The following PIK3R3 variants were observed in gnomAD, a reference collection of about 807,000 sequenced individuals.
PIK3R3 encodes phosphatidylinositol 3-kinase regulatory subunit gamma.
Under a neutral mutation model 62.9 loss-of-function variants are expected in PIK3R3, and 64 were observed. The observed-to-expected ratio is 1.02, with a 90% CI of 0.83 to 1.25. The LOEUF is 1.25. Among genes scored for constraint, PIK3R3 ranks in the 50% most tolerant of loss-of-function variants. PIK3R3 has a pLI of 0.00. For missense variants in PIK3R3, 614 were observed against 561.6 expected (o/e 1.09, Z -0.94); for synonymous variants, 165 against 189.0 (o/e 0.87, Z 1.04).
the PIK3R3 span, among the ~76,000 whole-genome samples, chr1:46,158,289 G>C: frequency 5.9e-5 from 9 of 152,308 alleles, no homozygotes; most frequent in Admixed American, 2.6e-4. Flanking sequence ...ACTCACTTTA[G>C]AGTCTGCTCT....
intron 6 of PIK3R3, among the ~76,000 whole-genome samples, chr1:46,059,828 G>T (rs946332459): frequency 1.3e-5 from 2 of 151,666 alleles, no homozygotes; most frequent in African/African-American, 4.8e-5. Flanking sequence ...GGCTGGGCGC[G>T]GTGGCTCATG....
chr1:46,166,170 A>G, the PIK3R3 span, among the ~76,000 whole-genome samples: 2 of 151,914 alleles, frequency 1.3e-5, no homozygotes, highest in African/African-American at 2.4e-5. Flanking sequence ...TAGGCACTCA[A>G]TAATACCATC....
upstream of PIK3R3, among the ~76,000 whole-genome samples, chr1:46,134,199 C>A (rs1408389713): frequency 1.3e-5 from 2 of 152,168 alleles, no homozygotes; most frequent in African/African-American, 2.4e-5. Context: ...CTGATTTAAG[C>A]CCTAGCAAAA....
At chr1:46,171,552 C>T in the PIK3R3 span, among the ~76,000 whole-genome samples, 2 of 152,070 alleles carry the variant, frequency 1.3e-5, no homozygotes, top group Non-Finnish European at 2.9e-5. Flanking sequence ...GGTGGGGTGA[C>T]CGGTATTGCA....
Position 46,040,847 on chromosome 1 carries a change from G to C in PIK3R3, c.*2826C>G, listed in dbSNP as rs1392188630. ...GTTGGGAGGGCCTCATTCTTGGCCA[G>C]ATCAGTGGTAAGGACGCAGGCAGTC... is the stretch of plus-strand genomic sequence containing the variant. On this transcript the variant is annotated 3_prime_UTR_variant, in exon 10 of 10. Coordinates refer to ENST00000262741, the MANE Select transcript of PIK3R3 (RefSeq NM_003629.4). The C allele has an allele frequency of 2.2e-5, 4 of 181,740 alleles. No homozygotes were observed. Among genetic ancestry groups the C allele is most frequent in the Admixed American group, 1.9e-4 (3 of 15,962 alleles). The allele number at this position is 181,740 out of a possible 1,614,324, so 11.3% of individuals were successfully genotyped here.
chr1:46,109,587 G>A (rs532753870), intron 1 of PIK3R3, among the ~76,000 whole-genome samples: 5 of 152,052 alleles, frequency 3.3e-5, no homozygotes, highest in East Asian at 3.9e-4. Flanking sequence ...GGGTTCAAGC[G>A]ATTCTCCTGC....
rs151030733 is a variant in PIK3R3, at chr1:46,099,870, C to A, written c.107-19120G>T. Among the ~76,000 whole-genome samples, 103 of 152,270 alleles carry A rather than the reference C, an allele frequency of 6.8e-4. 1 individual carries two copies. Among genetic ancestry groups the A allele is most frequent in the African/African-American group, 2.3e-3 (97 of 41,542 alleles). ...GAGTTTTCCTTATTCTACATCCTCA[C>A]CAAAATGGTGAGTGTAAAATATTAT... On this transcript the variant is annotated intron_variant, in intron 1 of 9. Transcript: ENST00000262741.
intron 1 of PIK3R3, among the ~76,000 whole-genome samples, chr1:46,099,360 C>T (rs1024691789): frequency 7.2e-5 from 11 of 152,170 alleles, no homozygotes; most frequent in African/African-American, 2.7e-4. Flanking sequence ...GTTCTAATCT[C>T]TGGCTGCTCC....
At chr1:46,105,636 C>G (rs2149447615) in intron 1 of PIK3R3, among the ~76,000 whole-genome samples, 1 of 152,168 alleles carries the variant, frequency 6.6e-6, no homozygotes, top group Non-Finnish European at 1.5e-5. Context: ...GCCTGGCCAA[C>G]ACAGCGAAAC....
chr1:46,087,125 G>T (rs933531945), intron 1 of PIK3R3, among the ~76,000 whole-genome samples: 1 of 152,200 alleles, frequency 6.6e-6, no homozygotes, highest in African/African-American at 2.4e-5. Context: ...CGTGTGTGGG[G>T]GAATGGTGGA....
chr1:46,099,107 G>C (rs1458627047), intron 1 of PIK3R3, among the ~76,000 whole-genome samples: 1 of 152,134 alleles, frequency 6.6e-6, no homozygotes, highest in Admixed American at 6.6e-5. Context: ...AAAAACCACT[G>C]ATGTGGTTAA....
In PIK3R3 at chr1:46,040,923, C is replaced by CTGT. The variant is rs1646984863; in HGVS notation, c.*2747_*2749dup. 1 of 176,088 alleles carries CTGT rather than the reference C, an allele frequency of 5.7e-6. No individual in the cohort carries two copies. Among genetic ancestry groups the CTGT allele is most frequent in the Admixed American group, 6.3e-5 (1 of 15,798 alleles). 10.9% of individuals were successfully genotyped at this position (176,088 alleles called of 1,614,324 possible). A position where few individuals can be genotyped will look rare whatever the true frequency, so the allele number is the denominator to read the frequency against. On this transcript the variant is annotated 3_prime_UTR_variant, in exon 10 of 10. Transcript: ENST00000262741. ...CATCTAAGGCCAGGTGGAGACAACA[C>CTGT]TGTTCTGTGATGAAAGCTTCACCTG...
At chr1:46,151,765 C>T in the PIK3R3 span, among the ~76,000 whole-genome samples, 1 of 152,116 alleles carries the variant, frequency 6.6e-6, no homozygotes, top group Non-Finnish European at 1.5e-5. Context: ...TCTCTTTCCC[C>T]AAAACCTAAA....
the PIK3R3 span, among the ~76,000 whole-genome samples, chr1:46,170,261 A>G: frequency 4.6e-5 from 7 of 152,168 alleles, no homozygotes; most frequent in Non-Finnish European, 1.0e-4. Flanking sequence ...GGGTCAGCAT[A>G]TTATGCTACT....
chr1:46,078,498 C>T (rs534286076), intron 2 of PIK3R3, among the ~76,000 whole-genome samples: 2 of 152,216 alleles, frequency 1.3e-5, no homozygotes, highest in Admixed American at 1.3e-4. Context: ...GCTGAGACTG[C>T]ACCACTGCAC....
At chr1:46,137,201 C>A (rs560348940), upstream of PIK3R3, among the ~76,000 whole-genome samples, 195 of 152,322 alleles carry the variant, frequency 1.3e-3, no homozygotes, top group South Asian at 5.0e-3. Context: ...CTCTCCCATT[C>A]ACTCACTTAG....
chr1:46,080,676 G>A lies in PIK3R3; in HGVS notation c.181C>T (p.Gln61Ter), dbSNP rs1415075907. The change falls in exon 2 of 10, where the codon CAG becomes TAG. Residue 61 changes from glutamine (Q) to a stop codon, truncating the protein, a stop_gained. Coordinates refer to ENST00000262741, the MANE Select transcript of PIK3R3 (RefSeq NM_003629.4). LOFTEE classifies it high-confidence loss of function. The stretch of plus-strand genomic sequence containing the variant: ...TCCCCCCAGTACCATTCTGCATCCT[G>A]AAGAGAAACAGAACTGTCCTTCATT... ...NGMKDSSVSLQDAEWYWGDIS... is the reference protein window; with the variant it reads ...NGMKDSSVSL The A allele has an allele frequency of 6.2e-7, 1 of 1,612,494 alleles. No individual in the cohort carries two copies. Among genetic ancestry groups the A allele is most frequent in the Admixed American group, 1.7e-5 (1 of 60,032 alleles).
At chr1:46,080,531 G>A in intron 2 of PIK3R3, 111 bp downstream of exon 2, 3 of 737,942 alleles carry the variant, frequency 4.1e-6, no homozygotes, top group Non-Finnish European at 7.2e-6. Context: ...GAGTTGCTGG[G>A]ATTATAGGCA....
chr1:46,165,738 C>T, the PIK3R3 span, among the ~76,000 whole-genome samples: 1 of 108,812 alleles, frequency 9.2e-6, no homozygotes, highest in African/African-American at 3.4e-5. Flanking sequence ...TTAATTTAAA[C>T]TGCTGCTTTG....
Sources: gnomAD v4.1 joint callset for allele counts (sites outside exome capture counted in the v4.1 genomes callset) on GRCh38, gnomAD v4.1.1 for gene constraint, MANE v1.5 for transcripts, NCBI Gene and HGNC (gene_info 2026-07-23, HGNC 2026-07-21) for gene names.